AKAP9: variants seen among roughly 807,000 people sequenced by gnomAD.
The protein encoded by AKAP9 is A-kinase anchoring protein 9.
In AKAP9, 311 loss-of-function variants were observed where a neutral mutation model predicts 488.5. That is an observed-to-expected ratio of 0.64 (90% CI 0.58 to 0.70). The LOEUF (loss-of-function observed/expected upper bound fraction) is 0.70, where lower values mean the gene tolerates loss of function less well. AKAP9 is among the 30% of genes least tolerant of loss of function. AKAP9 has a pLI of 0.00. For missense variants in AKAP9, 4,215 were observed against 4,374.5 expected (o/e 0.96, Z 1.03); for synonymous variants, 1,462 against 1,483.5 (o/e 0.99, Z 0.33).
In AKAP9 at chr7:92,061,584, C is replaced by CTATATATATATATATA. The variant is rs71528033; in HGVS notation, c.5764+183_5764+198dup. ...GAGTTCCTCCAAGCAATTTTTAAAA[C>CTATATATATATATATA]TATATATATATATATATATATATAT... On this transcript the variant is annotated intron_variant, in intron 23 of 49. Coordinates refer to ENST00000356239, the MANE Select transcript of AKAP9 (RefSeq NM_005751.5). Among the ~76,000 whole-genome samples, 712 of 102,300 alleles carry CTATATATATATATATA rather than the reference C, an allele frequency of 7.0e-3. 9 individuals are homozygous for CTATATATATATATATA. The highest frequency in any genetic ancestry group is 0.01 in the East Asian group (27 of 2,602). 67.1% of individuals were successfully genotyped at this position (102,300 alleles called of 152,430 possible).
chr7:92,034,498 A>ATTTTTTTT (rs59961119), intron 16 of AKAP9, among the ~76,000 whole-genome samples: 2 of 95,456 alleles, frequency 2.1e-5, no homozygotes, highest in Non-Finnish European at 4.0e-5. Flanking sequence ...ATATATATAT[A>ATTTTTTTT]TTTTTTTTTT....
intron 28 of AKAP9, among the ~76,000 whole-genome samples, chr7:92,071,970 G>T (rs1006285648): frequency 8.0e-5 from 10 of 124,514 alleles, no homozygotes; most frequent in Non-Finnish European, 1.6e-4. Flanking sequence ...TTTGACTTTT[G>T]ATTTTTTTTA....
chr7:91,983,567 A>G (rs1195366159), intron 3 of AKAP9, among the ~76,000 whole-genome samples: 1 of 152,244 alleles, frequency 6.6e-6, no homozygotes, highest in Admixed American at 6.5e-5. Flanking sequence ...GTATATACCC[A>G]GTAATGGGAT....
Position 92,086,338 on chromosome 7 carries a change from TCGGA to T in AKAP9, c.9140_9143del (p.Thr3047SerfsTer2). The T allele has an allele frequency of 6.2e-7, 1 of 1,614,040 alleles. No individual in the cohort carries two copies. Among genetic ancestry groups the T allele is most frequent in the Non-Finnish European group, 8.5e-7 (1 of 1,179,982 alleles). On this transcript the variant is annotated frameshift_variant, in exon 37 of 50. Transcript: ENST00000356239. LOFTEE classifies it high-confidence loss of function. ...AGCGTAGTGTTTTACTAGCAGCATT[TCGGA>T]CGGAGCTGACAGCTCTAGGTACTAC...
rs560093659 is a variant in AKAP9 at position 91,983,824 on chromosome 7, G to A, written c.351+3491G>A. 9.2e-5 allele frequency among the ~76,000 whole-genome samples: 14 copies of A among 152,166 alleles called. No homozygotes were observed. In the South Asian group the frequency reaches 1.9e-3, roughly 20 times the overall value. On this transcript the variant is annotated intron_variant, in intron 3 of 49. Coordinates refer to ENST00000356239, the MANE Select transcript of AKAP9 (RefSeq NM_005751.5). ...GTTGTTTCCTGACTTTTAAATGATC[G>A]CCATTCTAACTTTTGTGAGATAGTA...
At position 92,029,800 on chromosome 7, in the gene AKAP9, G is replaced by A. The variant is rs1385676533; in HGVS notation, c.4149-95G>A. 29 of 986,208 alleles carry A rather than the reference G, an allele frequency of 2.9e-5. No individual in the cohort carries two copies. The Middle Eastern group carries it at 6.3e-4, about 21-fold the overall frequency. The allele number at this position is 986,208 out of a possible 1,614,324, so 61.1% of individuals were successfully genotyped here. A position where few individuals can be genotyped will look rare whatever the true frequency, so the allele number is the denominator to read the frequency against. ...CCCTAGACTCATTTTTGTCTCCCAT[G>A]CCCCAGTACACATTTTATGTGTGGT... On this transcript the variant is annotated intron_variant, in intron 14 of 49. Transcript: ENST00000356239.
intron 28 of AKAP9, among the ~76,000 whole-genome samples, chr7:92,075,947 A>G (rs1284890481): frequency 6.6e-6 from 1 of 152,154 alleles, no homozygotes; most frequent in Non-Finnish European, 1.5e-5. Flanking sequence ...GCCACTTGTC[A>G]CTAAGTGTTG....
chr7:91,990,738 G>A (rs1454526267), intron 3 of AKAP9, among the ~76,000 whole-genome samples: 1 of 152,120 alleles, frequency 6.6e-6, no homozygotes, highest in Non-Finnish European at 1.5e-5. Context: ...ACTGATTCAT[G>A]TAATACTGAC....
chr7:92,054,832 T>C lies in AKAP9; in HGVS notation c.5601+1874T>C, dbSNP rs182647483. Among the ~76,000 whole-genome samples the C allele has an allele frequency of 2.3e-3, 353 of 152,084 alleles. 2 individuals are homozygous for C. The highest frequency in any genetic ancestry group is 6.2e-3 in the African/African-American group (258 of 41,524). ...CTACTGGTTGGGGTAGCTTTCATGA[T>C]AGTATGAAAAAGAATGCTTAAGAGA... is the stretch of plus-strand genomic sequence containing the variant. On this transcript the variant is annotated intron_variant, in intron 22 of 49. Transcript: ENST00000356239.
intron 1 of AKAP9, among the ~76,000 whole-genome samples, chr7:91,972,906 A>G (rs950449935): frequency 6.6e-5 from 10 of 152,162 alleles, no homozygotes; most frequent in African/African-American, 2.4e-4. Context: ...AGTTATTTCC[A>G]GTTTTTTTTC....
At chr7:92,025,528 C>G (rs1802974417) in intron 14 of AKAP9, among the ~76,000 whole-genome samples, 1 of 152,094 alleles carries the variant, frequency 6.6e-6, no homozygotes, top group Admixed American at 6.6e-5. Context: ...GTATACTGTT[C>G]CCTGTGGGTA....
chr7:92,073,960 G>T (rs1209430661), intron 28 of AKAP9, among the ~76,000 whole-genome samples: 3 of 152,152 alleles, frequency 2.0e-5, no homozygotes, highest in Non-Finnish European at 4.4e-5. Context: ...ATAGGCATGG[G>T]CAAGGACTTC....
At chr7:92,033,731 C>G (rs1346998947) in intron 16 of AKAP9, among the ~76,000 whole-genome samples, 1 of 152,156 alleles carries the variant, frequency 6.6e-6, no homozygotes, top group African/African-American at 2.4e-5. Context: ...AGCCACCATG[C>G]CTGGCTGAGA....
intron 45 of AKAP9, 139 bp from the exon 46 acceptor site, chr7:92,102,453 ACT>A: frequency 2.2e-5 from 4 of 181,580 alleles, no homozygotes; most frequent in Admixed American, 7.6e-5. Flanking sequence ...TACTATTACT[ACT>A]ACTACTACTA....
intron 16 of AKAP9, among the ~76,000 whole-genome samples, chr7:92,035,529 G>A (rs931116063): frequency 5.3e-5 from 8 of 151,998 alleles, no homozygotes; most frequent in East Asian, 1.9e-4. Flanking sequence ...AACATACAAC[G>A]AATTTTATGT....
intron 8 of AKAP9, among the ~76,000 whole-genome samples, chr7:92,010,451 C>T (rs984381338): frequency 7.9e-5 from 12 of 152,220 alleles, no homozygotes; most frequent in Admixed American, 3.9e-4. Context: ...CTAGTCAGGG[C>T]GTGCACTACT....
At chr7:91,984,689 G>A (rs1235233183) in intron 3 of AKAP9, among the ~76,000 whole-genome samples, 1 of 152,160 alleles carries the variant, frequency 6.6e-6, no homozygotes, top group Non-Finnish European at 1.5e-5. Context: ...TAGCTTGATG[G>A]GGATGGCATT....
At chr7:92,028,295 T>TAAAAAAAAA (rs57352733) in intron 14 of AKAP9, among the ~76,000 whole-genome samples, 18 of 65,082 alleles carry the variant, frequency 2.8e-4, no homozygotes, top group Admixed American at 4.3e-4. Context: ...CAATAAATAC[T>TAAAAAAAAA]AAAAAAAAAA....
At chr7:92,061,737 A>C (rs187521562) in intron 23 of AKAP9, among the ~76,000 whole-genome samples, 1 of 151,448 alleles carries the variant, frequency 6.6e-6, no homozygotes, top group Admixed American at 6.6e-5. Flanking sequence ...TTGTAATTTA[A>C]AGATGAGCAA....
Sources: allele counts gnomAD v4.1 joint callset (sites outside exome capture counted in the v4.1 genomes callset), GRCh38; gene constraint gnomAD v4.1.1; transcripts MANE v1.5; gene names NCBI Gene and HGNC (gene_info 2026-07-23, HGNC 2026-07-21).